ITPR1: variants seen among roughly 807,000 people sequenced by gnomAD.
ITPR1 encodes the protein inositol 1,4,5-trisphosphate-gated calcium channel ITPR1.
In ITPR1, 96 loss-of-function variants were observed where a neutral mutation model predicts 318.4. That is an observed-to-expected ratio of 0.30 (90% CI 0.26 to 0.36). The LOEUF (loss-of-function observed/expected upper bound fraction) is 0.36, where lower values mean the gene tolerates loss of function less well. Ranked by LOEUF, ITPR1 falls within the 10% of genes least tolerant of loss-of-function variation. The probability of loss-of-function intolerance (pLI) is 1.00; values close to 1 mark genes in which losing one functional copy is unlikely to be tolerated. For synonymous variants in ITPR1, 1,312 were observed against 1,289.9 expected, an observed-to-expected ratio of 1.02 and a Z score of -0.37; for missense variants, 2,440 against 3,460.2, an observed-to-expected ratio of 0.71 and a Z score of 7.40.
At chr3:4,610,244 C>T (rs2091989926) in intron 4 of ITPR1, among the ~76,000 whole-genome samples, 1 of 152,170 alleles carries the variant, frequency 6.6e-6, no homozygotes, top group African/African-American at 2.4e-5. Context: ...GGTTAGTGCT[C>T]CTCTGTGCGC....
At chr3:4,553,502 C>A (rs1169346642) in intron 4 of ITPR1, among the ~76,000 whole-genome samples, 1 of 152,100 alleles carries the variant, frequency 6.6e-6, no homozygotes, top group Non-Finnish European at 1.5e-5. Flanking sequence ...ACGATTTCAG[C>A]TCAATGTAAC....
intron 4 of ITPR1, among the ~76,000 whole-genome samples, chr3:4,605,248 G>A (rs920461101): frequency 4.6e-5 from 7 of 152,042 alleles, no homozygotes; most frequent in Non-Finnish European, 1.0e-4. Flanking sequence ...CACCCTGCCC[G>A]GCCCTATAGT....
intron 51 of ITPR1, among the ~76,000 whole-genome samples, chr3:4,784,203 G>T (rs758089972): frequency 5.9e-5 from 9 of 152,314 alleles, no homozygotes; most frequent in Admixed American, 1.3e-4. Context: ...GGGACCTGCT[G>T]TAGATCGTGG....
rs942015378 is a variant in ITPR1, at chr3:4,830,509, C to A, written c.8029-6265C>A. The stretch of plus-strand genomic sequence containing the variant: ...AAATGATTTAAAGTCCGTTAAGTGT[C>A]CCATATTCCTGCTTTTGAAGACATA... On this transcript the variant is annotated intron_variant, in intron 60 of 61. Transcript: ENST00000649015. Among the ~76,000 whole-genome samples the A allele has an allele frequency of 5.2e-4, 79 of 152,178 alleles. 1 individual carries two copies. Among genetic ancestry groups the A allele is most frequent in the African/African-American group, 1.9e-3 (78 of 41,504 alleles).
chr3:4,662,990 A>G, intron 15 of ITPR1, 75 bp from the exon 16 acceptor site: 1 of 1,387,024 alleles, frequency 7.2e-7, no homozygotes, highest in African/African-American at 1.4e-5. Flanking sequence ...ATTCGTCCAG[A>G]AGGCTTCCAA....
Position 4,735,268 on chromosome 3 carries a change from A to G in ITPR1, c.5458A>G (p.Ile1820Val). The G allele has an allele frequency of 6.2e-7, 1 of 1,613,948 alleles. No individual in the cohort carries two copies. Among genetic ancestry groups the G allele is most frequent in the Non-Finnish European group, 8.5e-7 (1 of 1,179,848 alleles). ...EGASNLVIDL[I>V]MNASSDRVFH... is the part of the protein sequence containing the mutation. ...GGCTTCCAATCTAGTTATCGACCTCATCATGAACGCATCCAGTGACCGAGT... is the reference window on the plus strand; with the variant it reads ...GGCTTCCAATCTAGTTATCGACCTCGTCATGAACGCATCCAGTGACCGAGT... Residue 1820 changes from isoleucine to valine, a missense_variant, in exon 44 of 62, where the codon ATC becomes GTC. By Grantham distance (29) the Ile-to-Val change is conservative (BLOSUM62 3). This residue lies in a region of ITPR1 where 80 missense variants were observed against 122.0 expected (regional missense o/e 0.66). Transcript: ENST00000649015.
rs2045972218 is a variant in ITPR1, at chr3:4,768,619, A to G, written c.5834A>G (p.Asp1945Gly). 6.2e-7 allele frequency: 1 copy of G among 1,613,960 alleles called. No homozygotes were observed. The highest frequency in any genetic ancestry group is 8.5e-7 in the Non-Finnish European group (1 of 1,179,870). Residue 1945 changes from aspartate to glycine, a missense_variant, in exon 46 of 62, where the codon GAC becomes GGC. By Grantham distance (94) the Asp-to-Gly change is moderately conservative (BLOSUM62 -1). Coordinates refer to ENST00000649015, the MANE Select transcript of ITPR1 (RefSeq NM_001378452.1). ...FTTFRREADP[D>G]DHYQPGEGTQ... Reference sequence around the variant, plus strand: ...ACTTTCAGGAGGGAGGCTGATCCCGACGACCACTACCAGCCTGGAGAGGGC... The same window carrying G: ...ACTTTCAGGAGGGAGGCTGATCCCGGCGACCACTACCAGCCTGGAGAGGGC...
chr3:4,821,557 A>AGGGTGTGCC (rs2049719748), intron 60 of ITPR1, among the ~76,000 whole-genome samples: 1 of 152,218 alleles, frequency 6.6e-6, no homozygotes, highest in East Asian at 1.9e-4. Context: ...GCTGACTTGG[A>AGGGTGTGCC]AAGAATGACA....
intron 7 of ITPR1, among the ~76,000 whole-genome samples, chr3:4,642,849 C>G (rs770964787): frequency 6.6e-6 from 1 of 152,148 alleles, no homozygotes; most frequent in African/African-American, 2.4e-5. Flanking sequence ...TCAGCCATTA[C>G]GTGGGCATAT....
At chr3:4,761,726 A>G (rs568133736) in intron 44 of ITPR1, among the ~76,000 whole-genome samples, 1 of 152,204 alleles carries the variant, frequency 6.6e-6, no homozygotes, top group South Asian at 2.1e-4. Flanking sequence ...GAGGCAGTGT[A>G]GCGGGTAGAG....
chr3:4,652,491 C>A (rs1279355858), intron 11 of ITPR1, among the ~76,000 whole-genome samples: 1 of 152,084 alleles, frequency 6.6e-6, no homozygotes, highest in Non-Finnish European at 1.5e-5. Context: ...TATTATTTTC[C>A]ATTTCGCTTT....
In ITPR1 at chr3:4,645,591, G is replaced by C; in HGVS notation, c.718G>C (p.Val240Leu). 6.2e-7 allele frequency: 1 copy of C among 1,613,424 alleles called. No homozygotes were observed. Among genetic ancestry groups the C allele is most frequent in the Non-Finnish European group, 8.5e-7 (1 of 1,179,680 alleles). The change falls in exon 10 of 62, where the codon GTG becomes CTG. Residue 240 changes from valine to leucine, a missense_variant. Around this residue, in one of 23 missense-constraint regions of ITPR1, gnomAD observed 186 missense variants for 323.9 expected, o/e 0.57. Transcript: ENST00000649015. ...TTGTGTTGACTGTCAGGGTGACGTG[G>C]TGAGGCTGTTTCATGCTGAGCAGGA... ...KDDILKGGDV[V>L]RLFHAEQEKF...
intron 49 of ITPR1, among the ~76,000 whole-genome samples, chr3:4,780,210 C>T (rs1246921211): frequency 2.6e-5 from 4 of 152,172 alleles, no homozygotes; most frequent in South Asian, 4.1e-4. Flanking sequence ...ATGCTCAGCA[C>T]CTGATACACC....
intron 10 of ITPR1, among the ~76,000 whole-genome samples, chr3:4,647,325 A>G (rs1202215806): frequency 4.5e-4 from 69 of 152,164 alleles, no homozygotes; most frequent in Non-Finnish European, 8.8e-5. Flanking sequence ...GTTGTTCCCA[A>G]CTTCTGGCTA....
At chr3:4,550,265 C>T (rs1423661813) in intron 4 of ITPR1, among the ~76,000 whole-genome samples, 1 of 152,072 alleles carries the variant, frequency 6.6e-6, no homozygotes. Flanking sequence ...ACTCAAGGGC[C>T]ACAGCAAGCT....
chr3:4,826,092 G>A lies in ITPR1; in HGVS notation c.8028+7850G>A, dbSNP rs995388313. Among the ~76,000 whole-genome samples the A allele has an allele frequency of 1.6e-4, 25 of 152,328 alleles. No homozygotes were observed. Among genetic ancestry groups the A allele is most frequent in the African/African-American group, 5.1e-4 (21 of 41,570 alleles). The stretch of plus-strand genomic sequence containing the variant: ...TAACCCTGGTCTGACCTTTCTGCCC[G>A]CCTGTGCACCTCCTCTGTGCATGAA... On this transcript the variant is annotated intron_variant, in intron 60 of 61. Transcript: ENST00000649015. The surrounding 1 kb of genome is among the most constrained non-coding windows in gnomAD (Gnocchi z 4.2).
rs2094476493 is a variant in ITPR1 at position 4,691,405 on chromosome 3, T to A, written c.4029+61T>A. 5.8e-6 allele frequency: 7 copies of A among 1,214,766 alleles called. No individual in the cohort carries two copies. The Admixed American group carries it at 1.4e-4, about 24-fold the overall frequency. The allele number at this position is 1,214,766 out of a possible 1,614,324, so 75.2% of individuals were successfully genotyped here. A position where few individuals can be genotyped will look rare whatever the true frequency, so the allele number is the denominator to read the frequency against. On this transcript the variant is annotated intron_variant, in intron 32 of 61. Coordinates refer to ENST00000649015, the MANE Select transcript of ITPR1 (RefSeq NM_001378452.1). ...TGTTCTGTAGAAATTTTAAAATTAT[T>A]TAATCTTATCTGTATGAACTTGCAC...
rs886058579 is a variant in ITPR1 at position 4,642,234 on chromosome 3, C to T, written c.508C>T (p.Arg170Ter). Residue 170 changes from arginine to a stop codon, truncating the protein, a stop_gained, in exon 7 of 62, where the codon CGA becomes TGA. Coordinates refer to ENST00000649015, the MANE Select transcript of ITPR1 (RefSeq NM_001378452.1). LOFTEE classifies it high-confidence loss of function. Reference sequence around the variant, plus strand: ...TTATATTCAGCCATTCTACAAGCTGCGATCCATTGGAGACAGCGTAAGTGC... The same window carrying T: ...TTATATTCAGCCATTCTACAAGCTGTGATCCATTGGAGACAGCGTAAGTGC... ...WFYIQPFYKL[R>*]SIGDSVVIGD... 5 of 1,578,824 alleles carry T rather than the reference C, an allele frequency of 3.2e-6. No individual in the cohort carries two copies. Among genetic ancestry groups the T allele is most frequent in the East Asian group, 2.3e-5 (1 of 44,240 alleles).
chr3:4,804,474 A>G (rs1251481135), intron 54 of ITPR1, among the ~76,000 whole-genome samples: 1 of 152,212 alleles, frequency 6.6e-6, no homozygotes, highest in East Asian at 1.9e-4. Flanking sequence ...AAGACTAACA[A>G]GCAGAGTCCA....
Sources: gnomAD v4.1 joint callset for allele counts (sites outside exome capture counted in the v4.1 genomes callset) on GRCh38, gnomAD v4.1.1 for gene constraint, gnomAD v4.1.1 regional missense constraint, Gnocchi (gnomAD v3.1) non-coding constraint, MANE v1.5 for transcripts, NCBI Gene and HGNC (gene_info 2026-07-23, HGNC 2026-07-21) for gene names.